The following PRDM2 variants were observed in gnomAD, a reference collection of about 807,000 sequenced individuals.
The protein encoded by PRDM2 is PR domain zinc finger protein 2.
PRDM2 carries 30 observed loss-of-function variants against 130.0 expected under a neutral mutation model. The observed-to-expected ratio is 0.23, with a 90% CI of 0.17 to 0.31. The LOEUF (loss-of-function observed/expected upper bound fraction) is 0.31. Among genes scored for constraint, PRDM2 ranks in the 10% least tolerant of loss-of-function variants. The pLI is 1.00. For missense variants in PRDM2, 2,011 were observed against 2,108.4 expected (o/e 0.95, Z 0.90); for synonymous variants, 871 against 782.4 (o/e 1.11, Z -1.89).
In PRDM2 at chr1:13,771,008, G is replaced by GAA. The variant is rs1242105935; in HGVS notation, c.512-2069_512-2068dup. 6.6e-6 allele frequency among the ~76,000 whole-genome samples: 1 copy of GAA among 152,176 alleles called. No individual in the cohort carries two copies. Among genetic ancestry groups the GAA allele is most frequent in the Admixed American group, 6.5e-5 (1 of 15,276 alleles). On this transcript the variant is annotated intron_variant, in intron 6 of 9. Coordinates refer to ENST00000311066, the MANE Select transcript of PRDM2 (RefSeq NM_001393986.1). The surrounding 1 kb of genome is among the most constrained non-coding windows in gnomAD (Gnocchi z 4.1). ...ACGGGCTGAGCATCACACACAGGCA[G>GAA]AACTAGCTTATGTCATAAGCATAAG...
intron 8 of PRDM2, among the ~76,000 whole-genome samples, chr1:13,799,399 C>T (rs867797016): frequency 8.6e-5 from 13 of 151,034 alleles, no homozygotes; most frequent in Non-Finnish European, 1.5e-4. Flanking sequence ...GAGCTGAGAT[C>T]GCGCCATTGC....
At chr1:13,770,522 C>T (rs1356646691) in intron 6 of PRDM2, among the ~76,000 whole-genome samples, 1 of 151,802 alleles carries the variant, frequency 6.6e-6, no homozygotes, top group Non-Finnish European at 1.5e-5. Flanking sequence ...AAAATCTTTG[C>T]ATTTTTTTTT....
intron 3 of PRDM2, among the ~76,000 whole-genome samples, chr1:13,732,308 A>G (rs1302791482): frequency 6.6e-6 from 1 of 152,236 alleles, no homozygotes; most frequent in Non-Finnish European, 1.5e-5. Context: ...ATGAACTTCA[A>G]AACTATTTAT....
At chr1:13,769,816 C>T (rs1644317094) in intron 6 of PRDM2, among the ~76,000 whole-genome samples, 1 of 152,036 alleles carries the variant, frequency 6.6e-6, no homozygotes, top group Non-Finnish European at 1.5e-5. Flanking sequence ...ATGTATAGAC[C>T]GTCGAGTGTG....
chr1:13,780,139 C>G lies in PRDM2; in HGVS notation c.2344C>G (p.Pro782Ala). Reference protein sequence around the residue: ...KSKLESHSDSPAWSLSGRDER... With the variant: ...KSKLESHSDSAAWSLSGRDER... ...CAAATTAGAAAGTCACAGCGACTCACCAGCATGGAGTTTGTCTGGGAGAGA... is the reference window on the plus strand; with the variant it reads ...CAAATTAGAAAGTCACAGCGACTCAGCAGCATGGAGTTTGTCTGGGAGAGA... The change falls in exon 8 of 10, where the codon CCA becomes GCA. Residue 782 changes from proline (P) to alanine (A), a missense_variant. Physicochemically the swap from Pro to Ala is conservative, Grantham distance 27. Coordinates refer to ENST00000311066, the MANE Select transcript of PRDM2 (RefSeq NM_001393986.1). The G allele has an allele frequency of 6.2e-7, 1 of 1,609,474 alleles. No homozygotes were observed. Among genetic ancestry groups the G allele is most frequent in the Non-Finnish European group, 8.5e-7 (1 of 1,176,892 alleles).
intron 6 of PRDM2, among the ~76,000 whole-genome samples, chr1:13,761,309 GA>G (rs953155586): frequency 6.6e-6 from 1 of 152,172 alleles, no homozygotes; most frequent in African/African-American, 2.4e-5. Context: ...AATTGTGTGG[GA>G]GCAGTTTCAG....
At chr1:13,776,502 T>TCCAGTCTCTTCTC (rs1553160599) in intron 7 of PRDM2, among the ~76,000 whole-genome samples, 1 of 152,300 alleles carries the variant, frequency 6.6e-6, no homozygotes, top group African/African-American at 2.4e-5. Flanking sequence ...TGTGTTTTCT[T>TCCAGTCTCTTCTC]CCAGTCTCTT....
intron 2 of PRDM2, chr1:13,717,401 G>T: frequency 1.7e-5 from 17 of 985,370 alleles, no homozygotes; most frequent in Non-Finnish European, 2.0e-5. Flanking sequence ...TGTTGGAGGA[G>T]TCTTGATCCT....
intron 6 of PRDM2, among the ~76,000 whole-genome samples, chr1:13,764,447 A>T (rs960027703): frequency 9.9e-5 from 15 of 152,214 alleles, no homozygotes; most frequent in African/African-American, 3.1e-4. Flanking sequence ...TCATGCCACA[A>T]CACTTTTTGA....
At chr1:13,751,855 A>T (rs138004883) in intron 6 of PRDM2, among the ~76,000 whole-genome samples, 2 of 152,296 alleles carry the variant, frequency 1.3e-5, no homozygotes, top group Admixed American at 1.3e-4. Context: ...AGAATTCATC[A>T]GATCGCTGGT....
intron 8 of PRDM2, among the ~76,000 whole-genome samples, chr1:13,791,247 C>T (rs1644834017): frequency 6.6e-6 from 1 of 152,064 alleles, no homozygotes; most frequent in Non-Finnish European, 1.5e-5. Flanking sequence ...CTTCCTGGTG[C>T]AGCGAGCCTT....
At chr1:13,820,892 C>T (rs1352871998) in intron 9 of PRDM2, among the ~76,000 whole-genome samples, 1 of 152,152 alleles carries the variant, frequency 6.6e-6, no homozygotes, top group Non-Finnish European at 1.5e-5. Flanking sequence ...CCATAGCCGG[C>T]CCCGCCTCTG....
chr1:13,786,680 C>A, intron 8 of PRDM2: 1 of 1,506,884 alleles, frequency 6.6e-7, no homozygotes, highest in South Asian at 1.3e-5. Context: ...TGATTGCCGG[C>A]AGGCTTAGAG....
chr1:13,701,364 A>G (rs145541538), intron 1 of PRDM2, among the ~76,000 whole-genome samples: 1 of 152,334 alleles, frequency 6.6e-6, no homozygotes, highest in East Asian at 1.9e-4. Flanking sequence ...GAAACTTTTA[A>G]CAACAAATGG....
chr1:13,763,480 C>T (rs796408252), intron 6 of PRDM2, among the ~76,000 whole-genome samples: 16 of 152,176 alleles, frequency 1.1e-4, no homozygotes, highest in African/African-American at 3.9e-4. Context: ...TTTGATGTTA[C>T]TGGGGATTGT....
intron 1 of PRDM2, among the ~76,000 whole-genome samples, chr1:13,708,411 C>G (rs900907070): frequency 6.6e-6 from 1 of 152,192 alleles, no homozygotes; most frequent in Non-Finnish European, 1.5e-5. Flanking sequence ...TTGAATCAGT[C>G]TCATTTTCTC....
chr1:13,799,370 G>A (rs11579971), intron 8 of PRDM2, among the ~76,000 whole-genome samples: 4 of 151,922 alleles, frequency 2.6e-5, no homozygotes, highest in African/African-American at 4.8e-5. Flanking sequence ...GCTTGAACCC[G>A]GGAGGCGGAG....
At chr1:13,774,468 C>G (rs1163906998) in intron 7 of PRDM2, among the ~76,000 whole-genome samples, 6 of 152,180 alleles carry the variant, frequency 3.9e-5, no homozygotes, top group Admixed American at 2.6e-4. Flanking sequence ...TTCTGTGAAA[C>G]AAGAATAGTC....
chr1:13,798,966 A>G (rs1644964277), intron 8 of PRDM2, among the ~76,000 whole-genome samples: 1 of 152,236 alleles, frequency 6.6e-6, no homozygotes, highest in Non-Finnish European at 1.5e-5. Context: ...TCTGCAACAC[A>G]GTATCGCTTG....
Sources: gnomAD v4.1 joint callset for allele counts (sites outside exome capture counted in the v4.1 genomes callset) on GRCh38, gnomAD v4.1.1 for gene constraint, Gnocchi (gnomAD v3.1) non-coding constraint, MANE v1.5 for transcripts, NCBI Gene and HGNC (gene_info 2026-07-23, HGNC 2026-07-21) for gene names.